Variants in FRMD6 observed in about 807,000 individuals in gnomAD.
The protein encoded by FRMD6 is FERM domain-containing protein 6.
Under a neutral mutation model 73.2 loss-of-function variants are expected in FRMD6, and 37 were observed. The observed-to-expected ratio is 0.51, with a 90% CI of 0.39 to 0.66. The LOEUF (loss-of-function observed/expected upper bound fraction) is 0.66. Among genes scored for constraint, FRMD6 ranks in the 30% least tolerant of loss-of-function variants. The probability of loss-of-function intolerance (pLI) is 0.00; values close to 1 mark genes in which losing one functional copy is unlikely to be tolerated. For missense variants in FRMD6, 714 were observed against 780.5 expected (o/e 0.91, Z 1.02); for synonymous variants, 273 against 282.2 (o/e 0.97, Z 0.33).
chr14:51,414,435 G>C, the FRMD6 span, among the ~76,000 whole-genome samples: 1 of 151,518 alleles, frequency 6.6e-6, no homozygotes, highest in East Asian at 1.9e-4. Context: ...TCTTGTGTTT[G>C]TCAGGTTTGT....
chr14:51,407,545 C>T, the FRMD6 span, among the ~76,000 whole-genome samples: 1 of 151,670 alleles, frequency 6.6e-6, no homozygotes, highest in African/African-American at 2.4e-5. Flanking sequence ...GGTATAGAAT[C>T]ATTTAACTTT....
intron 1 of FRMD6, among the ~76,000 whole-genome samples, chr14:51,525,823 A>G (rs1036486993): frequency 3.3e-5 from 5 of 152,198 alleles, no homozygotes; most frequent in African/African-American, 1.2e-4. Context: ...CTTCTAAAAG[A>G]AGGTCACATG....
At chr14:51,673,640 G>C (rs1003699196) in intron 1 of FRMD6, among the ~76,000 whole-genome samples, 2 of 152,150 alleles carry the variant, frequency 1.3e-5, no homozygotes, top group Non-Finnish European at 2.9e-5. Context: ...TGATGGCCAA[G>C]AACTGAAAGT....
chr14:51,470,333 A>G, the FRMD6 span, among the ~76,000 whole-genome samples: 7 of 152,164 alleles, frequency 4.6e-5, no homozygotes, highest in Non-Finnish European at 7.4e-5. Context: ...GCTGGCCGAT[A>G]TGGTGAAACC....
At chr14:51,463,798 TC>T in the FRMD6 span, among the ~76,000 whole-genome samples, 1 of 152,216 alleles carries the variant, frequency 6.6e-6, no homozygotes, top group Non-Finnish European at 1.5e-5. Flanking sequence ...ATAAATGTTT[TC>T]CTGAGTTTTT....
At chr14:51,709,413 T>C (rs1566585563) in intron 7 of FRMD6, among the ~76,000 whole-genome samples, 3 of 152,008 alleles carry the variant, frequency 2.0e-5, no homozygotes, top group African/African-American at 7.3e-5. Context: ...CCATTACCAT[T>C]GATAGTATTA....
At chr14:51,632,987 A>G (rs1392660011) in intron 2 of FRMD6, among the ~76,000 whole-genome samples, 2 of 152,234 alleles carry the variant, frequency 1.3e-5, no homozygotes, top group Non-Finnish European at 2.9e-5. Context: ...GTATCTGGTT[A>G]TATAACAAAA....
chr14:51,403,897 C>T, the FRMD6 span, among the ~76,000 whole-genome samples: 5 of 151,914 alleles, frequency 3.3e-5, no homozygotes, highest in South Asian at 4.2e-4. Context: ...AATATTCTTG[C>T]GTGGGTCTTC....
chr14:51,641,197 T>A (rs1594641235), intron 2 of FRMD6, among the ~76,000 whole-genome samples: 1 of 152,142 alleles, frequency 6.6e-6, no homozygotes, highest in Non-Finnish European at 1.5e-5. Flanking sequence ...GCCAGGCTGG[T>A]CTTGAACTCC....
At chr14:51,580,741 G>A (rs545868070) in intron 2 of FRMD6, among the ~76,000 whole-genome samples, 21 of 152,318 alleles carry the variant, frequency 1.4e-4, no homozygotes. Context: ...TGGGTAAAGA[G>A]GAAAGATAGT....
chr14:51,506,649 A>G (rs912558157), intron 1 of FRMD6, among the ~76,000 whole-genome samples: 3 of 151,926 alleles, frequency 2.0e-5, no homozygotes, highest in Non-Finnish European at 4.4e-5. Context: ...CTTAAAGAAG[A>G]TGACAGGATT....
chr14:51,580,728 T>A (rs1343089843), intron 2 of FRMD6, among the ~76,000 whole-genome samples: 1 of 152,206 alleles, frequency 6.6e-6, no homozygotes, highest in Non-Finnish European at 1.5e-5. Flanking sequence ...CAGGACTATA[T>A]AATGGGTAAA....
chr14:51,691,410 T>G (rs1335418067), intron 2 of FRMD6, among the ~76,000 whole-genome samples: 2 of 152,060 alleles, frequency 1.3e-5, no homozygotes, highest in East Asian at 3.9e-4. Flanking sequence ...GCCAAACAAT[T>G]TTATGGTAAT....
At chr14:51,434,397 A>G in the FRMD6 span, among the ~76,000 whole-genome samples, 2 of 152,196 alleles carry the variant, frequency 1.3e-5, no homozygotes, top group African/African-American at 2.4e-5. Context: ...AGTCTGGAAC[A>G]TCTTGTGATG....
At chr14:51,588,360 G>T (rs540774449) in intron 2 of FRMD6, among the ~76,000 whole-genome samples, 1 of 151,566 alleles carries the variant, frequency 6.6e-6, no homozygotes, top group South Asian at 2.1e-4. Flanking sequence ...GTGCCATCTT[G>T]GTGTGCTGCA....
At chr14:51,588,656 C>T (rs1045790324) in intron 2 of FRMD6, among the ~76,000 whole-genome samples, 6 of 152,170 alleles carry the variant, frequency 3.9e-5, no homozygotes, top group Non-Finnish European at 7.3e-5. Context: ...CCTAAAATGA[C>T]TTCCACCCCA....
the FRMD6 span, among the ~76,000 whole-genome samples, chr14:51,439,264 T>C: frequency 1.3e-5 from 2 of 152,188 alleles, no homozygotes; most frequent in Non-Finnish European, 2.9e-5. Context: ...AATACATCAC[T>C]GTATAGGAAT....
the FRMD6 span, among the ~76,000 whole-genome samples, chr14:51,456,996 G>A: frequency 6.6e-6 from 1 of 152,172 alleles, no homozygotes; most frequent in Non-Finnish European, 1.5e-5. Flanking sequence ...GAGCAAGAGA[G>A]AGGAAAATGA....
At chr14:51,519,173 C>A in intron 1 of FRMD6, among the ~76,000 whole-genome samples, 1 of 114,344 alleles carries the variant, frequency 8.7e-6, no homozygotes, top group Non-Finnish European at 1.7e-5. Context: ...ACCCCCCGCC[C>A]CCTGCCACCC....
Sources: gnomAD v4.1 joint callset for allele counts (sites outside exome capture counted in the v4.1 genomes callset) on GRCh38, gnomAD v4.1.1 for gene constraint, MANE v1.5 for transcripts, NCBI Gene and HGNC (gene_info 2026-07-23, HGNC 2026-07-21) for gene names.